Variants in SLC25A21 observed in about 807,000 individuals in gnomAD.
SLC25A21 encodes the protein solute carrier family 25 member 21, also known as mitochondrial 2-oxodicarboxylate carrier.
SLC25A21 carries 47 observed loss-of-function variants against 43.8 expected under a neutral mutation model. The ratio of observed to expected loss-of-function variants is 1.07; its 90% CI spans 0.85 to 1.37. The LOEUF (loss-of-function observed/expected upper bound fraction) is 1.37, where lower values mean the gene tolerates loss of function less well. Among genes scored for constraint, SLC25A21 ranks in the 40% most tolerant of loss-of-function variants. SLC25A21 has a pLI of 0.00. For missense variants in SLC25A21, 352 were observed against 350.2 expected, an observed-to-expected ratio of 1.00 and a Z score of -0.04; for synonymous variants, 131 against 121.3, an observed-to-expected ratio of 1.08 and a Z score of -0.52.
At chr14:36,745,166 C>G (rs1885441139) in intron 3 of SLC25A21, among the ~76,000 whole-genome samples, 1 of 152,118 alleles carries the variant, frequency 6.6e-6, no homozygotes, top group African/African-American at 2.4e-5. Context: ...CTGAAAAGGA[C>G]ATGAACTCAT....
rs1566835352 is a variant in SLC25A21, at chr14:37,040,371, GAGA to G, written c.70+131907_70+131909del. Among the ~76,000 whole-genome samples the G allele has an allele frequency of 7.4e-3, 298 of 40,132 alleles. 75 individuals carry two copies. Among genetic ancestry groups the G allele is most frequent in the African/African-American group, 0.057 (140 of 2,456 alleles). 26.3% of individuals were successfully genotyped at this position (40,132 alleles called of 152,430 possible). Reference sequence around the variant, plus strand: ...AAGGAAGGAAAGAAAGAGAGAGAGAGAGAGAAAGAAAGAAAGAAAGAAAGAAAG... The same window carrying G: ...AAGGAAGGAAAGAAAGAGAGAGAGAGGAAAGAAAGAAAGAAAGAAAGAAAG... On this transcript the variant is annotated intron_variant, in intron 1 of 9. Coordinates refer to ENST00000331299, the MANE Select transcript of SLC25A21 (RefSeq NM_030631.4).
chr14:37,128,104 C>G (rs1427085393), intron 1 of SLC25A21, among the ~76,000 whole-genome samples: 1 of 152,166 alleles, frequency 6.6e-6, no homozygotes, highest in Non-Finnish European at 1.5e-5. Flanking sequence ...AACAGAAATG[C>G]CTGTTCATCT....
chr14:36,786,019 A>C (rs1887237953), intron 3 of SLC25A21, among the ~76,000 whole-genome samples: 1 of 152,208 alleles, frequency 6.6e-6, no homozygotes, highest in African/African-American at 2.4e-5. Context: ...TTGGGGACAA[A>C]TGTGATATTC....
At chr14:37,148,748 G>A (rs962000587) in intron 1 of SLC25A21, among the ~76,000 whole-genome samples, 1 of 152,106 alleles carries the variant, frequency 6.6e-6, no homozygotes, top group Admixed American at 6.6e-5. Context: ...CTTCCTTAGA[G>A]GGGCTCACTC....
intron 3 of SLC25A21, among the ~76,000 whole-genome samples, chr14:36,739,197 A>T (rs956726094): frequency 5.9e-5 from 9 of 152,194 alleles, no homozygotes; most frequent in Admixed American, 3.3e-4. Flanking sequence ...TCCAATTTTT[A>T]TTCAGTTCTG....
intron 3 of SLC25A21, among the ~76,000 whole-genome samples, chr14:36,743,139 A>G (rs1885340207): frequency 1.3e-5 from 2 of 152,212 alleles, no homozygotes; most frequent in Non-Finnish European, 2.9e-5. Flanking sequence ...GAAAGGCCTT[A>G]GTGTGATATG....
chr14:36,797,623 C>T (rs1382259023), intron 3 of SLC25A21, among the ~76,000 whole-genome samples: 21 of 152,158 alleles, frequency 1.4e-4, no homozygotes, highest in Admixed American at 1.3e-3. Flanking sequence ...TGAACAGTAG[C>T]ATCTTCCTTT....
At position 37,172,422 on chromosome 14, in the gene SLC25A21, A is replaced by T. The variant is rs984181215; in HGVS notation, c.-72T>A. On this transcript the variant is annotated 5_prime_UTR_variant, in exon 1 of 10. Coordinates refer to ENST00000331299, the MANE Select transcript of SLC25A21 (RefSeq NM_030631.4). Reference sequence around the variant, plus strand: ...AGCTCGCAGCCTGCACAGCCTACTGATCCAGAGAGCCCCGGCTGGGCTGGT... The same window carrying T: ...AGCTCGCAGCCTGCACAGCCTACTGTTCCAGAGAGCCCCGGCTGGGCTGGT... The T allele has an allele frequency of 6.8e-7, 1 of 1,471,926 alleles. No homozygotes were observed. The highest frequency in any genetic ancestry group is 2.0e-5 in the Admixed American group (1 of 51,114). 91.2% of individuals were successfully genotyped at this position (1,471,926 alleles called of 1,614,324 possible).
At chr14:37,126,207 AGCATTAGTTGT>A (rs1963294833) in intron 1 of SLC25A21, among the ~76,000 whole-genome samples, 1 of 152,164 alleles carries the variant, frequency 6.6e-6, no homozygotes, top group Non-Finnish European at 1.5e-5. Flanking sequence ...GACTGATTTG[AGCATTAGTTGT>A]GCTGACTATC....
chr14:36,994,913 G>C (rs768527261), intron 1 of SLC25A21, among the ~76,000 whole-genome samples: 2 of 152,074 alleles, frequency 1.3e-5, no homozygotes, highest in African/African-American at 2.4e-5. Context: ...CCTTGCACTA[G>C]TTCTCATATT....
chr14:37,024,525 G>A lies in SLC25A21; in HGVS notation c.70+147756C>T, dbSNP rs150253092. 5.5e-4 allele frequency among the ~76,000 whole-genome samples: 83 copies of A among 152,124 alleles called. No individual in the cohort carries two copies. In the East Asian group the frequency reaches 0.014, roughly 26 times the overall value. ...CACATGGTTTCTCCACATGAAGTCT[G>A]CGTAGTCCTATACACAAAAAGTAAG... On this transcript the variant is annotated intron_variant, in intron 1 of 9. Transcript: ENST00000331299.
At chr14:37,063,831 T>G (rs1477088519) in intron 1 of SLC25A21, among the ~76,000 whole-genome samples, 1 of 152,100 alleles carries the variant, frequency 6.6e-6, no homozygotes, top group African/African-American at 2.4e-5. Flanking sequence ...GTTGCTAGAC[T>G]CAAAACACAA....
At chr14:36,879,818 C>CA (rs11290724) in intron 1 of SLC25A21, among the ~76,000 whole-genome samples, 84 of 145,770 alleles carry the variant, frequency 5.8e-4, no homozygotes, top group African/African-American at 1.2e-3. Flanking sequence ...CACTCTTTTC[C>CA]AAAAAAAAAA....
At chr14:36,938,037 TATA>T (rs1892467933) in intron 1 of SLC25A21, among the ~76,000 whole-genome samples, 1 of 152,194 alleles carries the variant, frequency 6.6e-6, no homozygotes, top group East Asian at 1.9e-4. Flanking sequence ...GGCAACTCGA[TATA>T]ATGTTTGGCT....
chr14:36,836,145 TCGGAAGTGTTAAGTATAAAA>T, intron 2 of SLC25A21, among the ~76,000 whole-genome samples: 1 of 152,156 alleles, frequency 6.6e-6, no homozygotes. Context: ...AAGTTATAAT[TCGGAAGTGTTAAGTATAAAA>T]CGGGAGTGCT....
intron 1 of SLC25A21, among the ~76,000 whole-genome samples, chr14:37,073,219 G>A (rs976444745): frequency 6.6e-6 from 1 of 152,202 alleles, no homozygotes; most frequent in African/African-American, 2.4e-5. Flanking sequence ...CTGAGACCAA[G>A]AGAATATTGT....
At chr14:37,154,234 C>G (rs1460000611) in intron 1 of SLC25A21, among the ~76,000 whole-genome samples, 1 of 152,138 alleles carries the variant, frequency 6.6e-6, no homozygotes, top group Non-Finnish European at 1.5e-5. Flanking sequence ...CTAATAATTG[C>G]ACCCCAACCC....
chr14:36,715,538 C>T (rs1884089630), intron 6 of SLC25A21, among the ~76,000 whole-genome samples: 1 of 152,164 alleles, frequency 6.6e-6, no homozygotes, highest in Non-Finnish European at 1.5e-5. Flanking sequence ...TAGATTCACT[C>T]CAATTTTCAT....
At chr14:36,862,664 C>T (rs1357241624) in intron 2 of SLC25A21, among the ~76,000 whole-genome samples, 3 of 152,072 alleles carry the variant, frequency 2.0e-5, no homozygotes, top group East Asian at 1.9e-4. Context: ...ATGTAAATGA[C>T]GAGTTGATGG....
Sources: allele counts gnomAD v4.1 joint callset (sites outside exome capture counted in the v4.1 genomes callset), GRCh38; gene constraint gnomAD v4.1.1; transcripts MANE v1.5; gene names NCBI Gene and HGNC (gene_info 2026-07-23, HGNC 2026-07-21).